Variants in SLCO1B3 observed in about 807,000 individuals in gnomAD.
SLCO1B3 encodes the protein solute carrier organic anion transporter family member 1B3, also known as liver-specific organic anion transporter 2.
A neutral mutation model predicts 71.8 loss-of-function variants in SLCO1B3; 72 were observed. The observed-to-expected ratio is 1.00, with a 90% CI of 0.83 to 1.22. The LOEUF (loss-of-function observed/expected upper bound fraction) is 1.22, where lower values mean the gene tolerates loss of function less well. Ranked by LOEUF, SLCO1B3 falls within the 50% of genes most tolerant of loss-of-function variation. The probability of loss-of-function intolerance (pLI) is 0.00; values close to 1 mark genes in which losing one functional copy is unlikely to be tolerated. For missense variants in SLCO1B3, 911 were observed against 819.7 expected (o/e 1.11, Z -1.36); for synonymous variants, 298 against 278.4 (o/e 1.07, Z -0.70).
Position 20,814,036 on chromosome 12 carries a change from C to T in SLCO1B3, c.-66+398C>T, listed in dbSNP as rs528701318. On this transcript the variant is annotated intron_variant, in intron 2 of 15. Transcript: ENST00000381545. ...ATATCTAAGGTATCTATATGAGCAG[C>T]TACATAGCAAGTATCTACATAGCAT... Among the ~76,000 whole-genome samples, 24 of 152,114 alleles carry T rather than the reference C, an allele frequency of 1.6e-4. No homozygotes were observed. The South Asian group carries it at 4.8e-3, about 30-fold the overall frequency.
At chr12:20,871,836 A>T (rs1865480945) in intron 8 of SLCO1B3, among the ~76,000 whole-genome samples, 1 of 152,066 alleles carries the variant, frequency 6.6e-6, no homozygotes, top group Non-Finnish European at 1.5e-5. Context: ...ACCTGAAGCC[A>T]GCACAGCACT....
chr12:20,903,427 A>C (rs1866169606), intron 15 of SLCO1B3, among the ~76,000 whole-genome samples: 1 of 152,182 alleles, frequency 6.6e-6, no homozygotes, highest in Admixed American at 6.5e-5. Context: ...ATGAAGAGCT[A>C]CCTGAGACTG....
At chr12:20,842,668 A>G (rs922315664) in intron 3 of SLCO1B3, among the ~76,000 whole-genome samples, 15 of 152,188 alleles carry the variant, frequency 9.9e-5, no homozygotes, top group Non-Finnish European at 1.8e-4. Flanking sequence ...ATTGTATTTT[A>G]TATAGTCAGA....
At chr12:20,886,745 T>G (rs61922185) in intron 13 of SLCO1B3, among the ~76,000 whole-genome samples, 81,310 of 151,786 alleles carry the variant, frequency 0.54, 24,318 homozygotes, top group South Asian at 0.77. Flanking sequence ...GATTTAGAGA[T>G]ACAATTGTAG....
intron 3 of SLCO1B3, among the ~76,000 whole-genome samples, chr12:20,851,055 TTATC>T (rs1304790241): frequency 2.3e-4 from 35 of 152,334 alleles, no homozygotes; most frequent in African/African-American, 7.9e-4. Context: ...CATATTTTAT[TTATC>T]TATTCATTTG....
In SLCO1B3 at chr12:20,875,201, T is replaced by G. The variant is rs114404671; in HGVS notation, c.728-34T>G. ...CAGAACCTACTGTATTTCAAAACGA[T>G]TTTTGACTGGCTTCTTTTAACTGTT... On this transcript the variant is annotated intron_variant, in intron 8 of 15. Coordinates refer to ENST00000381545, the MANE Select transcript of SLCO1B3 (RefSeq NM_019844.4). 7.5e-4 allele frequency: 1,204 copies of G among 1,610,626 alleles called. 13 individuals carry two copies. The African/African-American group carries it at 0.015, about 20-fold the overall frequency.
intron 3 of SLCO1B3, among the ~76,000 whole-genome samples, chr12:20,853,541 T>G (rs945670127): frequency 6.6e-6 from 1 of 152,026 alleles, no homozygotes; most frequent in African/African-American, 2.4e-5. Context: ...TCATCTCTTA[T>G]AATTCTTTTT....
intron 3 of SLCO1B3, among the ~76,000 whole-genome samples, chr12:20,845,731 G>T (rs1864903744): frequency 6.6e-6 from 1 of 152,116 alleles, no homozygotes; most frequent in Admixed American, 6.5e-5. Flanking sequence ...TATCTGTTAG[G>T]CTCATTTGTT....
chr12:20,861,412 T>G (rs1336130847), intron 6 of SLCO1B3, among the ~76,000 whole-genome samples: 2 of 152,080 alleles, frequency 1.3e-5, no homozygotes, highest in Non-Finnish European at 2.9e-5. Context: ...CTATAGGCGG[T>G]TTCCACAGGG....
intron 13 of SLCO1B3, 26 bp from the exon 14 acceptor site, chr12:20,898,410 A>C: frequency 6.7e-7 from 1 of 1,490,772 alleles, no homozygotes. Context: ...GACATGTATT[A>C]TTTCTTTGCC....
chr12:20,862,276 T>G (rs1266019002), intron 6 of SLCO1B3, 136 bp from the exon 7 acceptor site: 8 of 1,030,874 alleles, frequency 7.8e-6, no homozygotes, highest in Non-Finnish European at 1.1e-5. Context: ...TCAAACTTTG[T>G]AAAGTGAATA....
At chr12:20,882,366 A>T (rs1024276648) in intron 12 of SLCO1B3, among the ~76,000 whole-genome samples, 1 of 152,210 alleles carries the variant, frequency 6.6e-6, no homozygotes, top group African/African-American at 2.4e-5. Context: ...ATAAAAGGAA[A>T]AAAGGAATCT....
rs189948045 is a variant in SLCO1B3 at position 20,849,867 on chromosome 12, A to T, written c.85-5161A>T. On this transcript the variant is annotated intron_variant, in intron 3 of 15. Coordinates refer to ENST00000381545, the MANE Select transcript of SLCO1B3 (RefSeq NM_019844.4). ...AAATTTAAACAAAAAGGTTAAAAAA[A>T]ATCACACACTGTAAACTATAAAACA... Among the ~76,000 whole-genome samples the T allele has an allele frequency of 8.2e-4, 125 of 152,196 alleles. 1 individual carries two copies. Among genetic ancestry groups the T allele is most frequent in the Non-Finnish European group, 1.0e-4 (7 of 67,982 alleles).
intron 15 of SLCO1B3, among the ~76,000 whole-genome samples, chr12:20,903,571 T>C (rs1866171314): frequency 6.6e-6 from 1 of 152,028 alleles, no homozygotes; most frequent in South Asian, 2.1e-4. Flanking sequence ...CTTCTCCTAG[T>C]GACAGGAGAG....
chr12:20,819,923 A>G (rs1864261619), intron 3 of SLCO1B3, among the ~76,000 whole-genome samples: 1 of 152,114 alleles, frequency 6.6e-6, no homozygotes, highest in Non-Finnish European at 1.5e-5. Context: ...CAGCAATGAG[A>G]TGCGGCTGTA....
chr12:20,892,935 T>C (rs1865932632), intron 13 of SLCO1B3, among the ~76,000 whole-genome samples: 1 of 152,186 alleles, frequency 6.6e-6, no homozygotes, highest in Non-Finnish European at 1.5e-5. Context: ...GAAAGCATTT[T>C]TGCTTGTCTA....
chr12:20,822,436 A>G (rs2121095731), intron 3 of SLCO1B3, among the ~76,000 whole-genome samples: 1 of 152,296 alleles, frequency 6.6e-6, no homozygotes. Flanking sequence ...AAGGAAATTC[A>G]AAGGGTTAGT....
chr12:20,812,534 G>T (rs1264465788), intron 1 of SLCO1B3, among the ~76,000 whole-genome samples: 2 of 152,200 alleles, frequency 1.3e-5, no homozygotes, highest in African/African-American at 4.8e-5. Flanking sequence ...GAGCTTTTCT[G>T]TTGGGACAGT....
rs779465633 is a variant in SLCO1B3 at position 20,862,086 on chromosome 12, A to C, written c.482-326A>C. On this transcript the variant is annotated intron_variant, in intron 6 of 15. Coordinates refer to ENST00000381545, the MANE Select transcript of SLCO1B3 (RefSeq NM_019844.4). ...GGGGAAATTGTGACAATATAGTGAT[A>C]ATTGTATATGCACCTTAAAAATAAC... Among the ~76,000 whole-genome samples, 4 of 152,178 alleles carry C rather than the reference A, an allele frequency of 2.6e-5. 1 individual carries two copies. The East Asian group carries it at 7.7e-4, about 29-fold the overall frequency.
Sources: gnomAD v4.1 joint callset for allele counts (sites outside exome capture counted in the v4.1 genomes callset) on GRCh38, gnomAD v4.1.1 for gene constraint, MANE v1.5 for transcripts, NCBI Gene and HGNC (gene_info 2026-07-23, HGNC 2026-07-21) for gene names.